RANBP3L: variants seen among roughly 807,000 people sequenced by gnomAD.
RANBP3L encodes the protein ran-binding protein 3-like.
RANBP3L carries 56 observed loss-of-function variants against 67.2 expected under a neutral mutation model. The ratio of observed to expected loss-of-function variants is 0.83; its 90% CI spans 0.67 to 1.04. The LOEUF (loss-of-function observed/expected upper bound fraction) is 1.04. RANBP3L is among the 50% of genes least tolerant of loss of function. The probability of loss-of-function intolerance (pLI) is 0.00; values close to 1 mark genes in which losing one functional copy is unlikely to be tolerated. For synonymous variants in RANBP3L, 164 were observed against 181.4 expected, an observed-to-expected ratio of 0.90 and a Z score of 0.77; for missense variants, 496 against 535.5, an observed-to-expected ratio of 0.93 and a Z score of 0.73.
chr5:36,250,123 C>T lies in RANBP3L; in HGVS notation c.1355-426G>A, dbSNP rs11950102. 4.0e-3 allele frequency among the ~76,000 whole-genome samples: 605 copies of T among 152,002 alleles called. 4 individuals are homozygous for T. The highest frequency in any genetic ancestry group is 0.014 in the African/African-American group (562 of 41,520). On this transcript the variant is annotated intron_variant, in intron 13 of 13. Coordinates refer to ENST00000296604, the MANE Select transcript of RANBP3L (RefSeq NM_145000.5). ...TATAACAGAATATAGATATCATAAA[C>T]ATGTGTCATTAGTTAGTGAGAGAAT...
At chr5:36,268,037 A>G (rs1749933690) in intron 4 of RANBP3L, among the ~76,000 whole-genome samples, 1 of 152,248 alleles carries the variant, frequency 6.6e-6, no homozygotes. Flanking sequence ...TGAAGTTAGA[A>G]TTCATAAGGT....
chr5:36,251,400 T>G lies in RANBP3L; in HGVS notation c.1267A>C (p.Ser423Arg). The change falls in exon 13 of 14, where the codon AGC (serine) becomes CGC (arginine). Residue 423 changes from serine (S) to arginine (R), a missense_variant. Ser to Arg is a moderately radical substitution (Grantham distance 110). Coordinates refer to ENST00000296604, the MANE Select transcript of RANBP3L (RefSeq NM_145000.5). ...AATTGTTGGGCTGTTTCTGACAGGCTTTCAGCTTGATTGACATCTCTCTGC... is the reference window on the plus strand; with the variant it reads ...AATTGTTGGGCTGTTTCTGACAGGCGTTCAGCTTGATTGACATCTCTCTGC... ...NKQRDVNQAE[S>R]LSETAQQLNC... is the part of the protein sequence containing the mutation. The G allele has an allele frequency of 6.2e-7, 1 of 1,613,428 alleles. No homozygotes were observed.
chr5:36,257,588 T>G, intron 8 of RANBP3L, 32 bp from the exon 9 acceptor site: 6 of 1,000,590 alleles, frequency 6.0e-6, no homozygotes, highest in Non-Finnish European at 9.0e-6. Flanking sequence ...TTATTTTATT[T>G]AATAAAAGTT....
In RANBP3L at chr5:36,257,435, C is replaced by A; in HGVS notation, c.772+19G>T. ...CAAACTAGGTGAATCTAATGTTTTA[C>A]AAATGAAAGAATTCTTACTTGAACT... On this transcript the variant is annotated intron_variant, in intron 9 of 13. Coordinates refer to ENST00000296604, the MANE Select transcript of RANBP3L (RefSeq NM_145000.5). The A allele has an allele frequency of 8.1e-7, 1 of 1,231,036 alleles. No individual in the cohort carries two copies. The highest frequency in any genetic ancestry group is 1.2e-6 in the Non-Finnish European group (1 of 845,002). The allele number at this position is 1,231,036 out of a possible 1,614,324, so 76.3% of individuals were successfully genotyped here. A position where few individuals can be genotyped will look rare whatever the true frequency, so the allele number is the denominator to read the frequency against.
chr5:36,249,852 A>C (rs1300370123), intron 13 of RANBP3L, among the ~76,000 whole-genome samples, 155 bp from the exon 14 acceptor site: 2 of 152,012 alleles, frequency 1.3e-5, no homozygotes, highest in Non-Finnish European at 2.9e-5. Flanking sequence ...ACATTTAGAG[A>C]TGTTGCTAAA....
chr5:36,264,132 T>C (rs1276206460), intron 6 of RANBP3L, among the ~76,000 whole-genome samples: 3 of 152,158 alleles, frequency 2.0e-5, no homozygotes, highest in South Asian at 4.2e-4. Flanking sequence ...TAAACAAAGA[T>C]AGCAGCAGAG....
At chr5:36,277,010 G>C (rs1345180718) in intron 1 of RANBP3L, among the ~76,000 whole-genome samples, 1 of 152,172 alleles carries the variant, frequency 6.6e-6, no homozygotes, top group Non-Finnish European at 1.5e-5. Flanking sequence ...CTCTAGCCAG[G>C]GCTAAAAAAG....
At chr5:36,271,352 T>A in intron 1 of RANBP3L, 41 bp from the exon 2 acceptor site, 2 of 1,228,000 alleles carry the variant, frequency 1.6e-6, no homozygotes, top group Non-Finnish European at 2.4e-6. Context: ...CAAAGCATAC[T>A]CTGACATTTC....
intron 1 of RANBP3L, among the ~76,000 whole-genome samples, chr5:36,282,608 G>A (rs1423225): frequency 0.95 from 143,916 of 152,276 alleles, 68,347 homozygotes; most frequent in Non-Finnish European, 0.99. Flanking sequence ...ATTCCTCTTT[G>A]TCTTGAGCCT....
intron 4 of RANBP3L, among the ~76,000 whole-genome samples, 177 bp from the exon 5 acceptor site, chr5:36,265,697 G>A (rs1454235620): frequency 6.6e-6 from 1 of 152,208 alleles, no homozygotes; most frequent in African/African-American, 2.4e-5. Context: ...TGCCAGCCAG[G>A]CGCGGTGGCT....
intron 1 of RANBP3L, among the ~76,000 whole-genome samples, chr5:36,299,703 A>G (rs898880292): frequency 2.0e-5 from 3 of 152,190 alleles, no homozygotes; most frequent in African/African-American, 7.2e-5. Context: ...TAGTTAAAAT[A>G]TTAGAAATAA....
In RANBP3L at chr5:36,248,852, T is replaced by C. The variant is rs933388571; in HGVS notation, c.*802A>G. The C allele has an allele frequency of 6.6e-6, 1 of 152,138 alleles. No individual in the cohort carries two copies. The highest frequency in any genetic ancestry group is 1.5e-5 in the Non-Finnish European group (1 of 67,992). 9.4% of individuals were successfully genotyped at this position (152,138 alleles called of 1,614,324 possible). A position where few individuals can be genotyped will look rare whatever the true frequency, so the allele number is the denominator to read the frequency against. Reference sequence around the variant, plus strand: ...ACTGTAGCCTACTATAATAATATCATTTAAGAAAAAGATTCATTTGGCTAC... The same window carrying C: ...ACTGTAGCCTACTATAATAATATCACTTAAGAAAAAGATTCATTTGGCTAC... On this transcript the variant is annotated 3_prime_UTR_variant, in exon 14 of 14. Coordinates refer to ENST00000296604, the MANE Select transcript of RANBP3L (RefSeq NM_145000.5).
intron 1 of RANBP3L, among the ~76,000 whole-genome samples, chr5:36,291,486 T>TA (rs1470131966): frequency 3.3e-5 from 5 of 152,098 alleles, no homozygotes; most frequent in African/African-American, 1.2e-4. Flanking sequence ...GCCATGCTGG[T>TA]GCGCTGCACC....
At chr5:36,276,647 G>A (rs927118358) in intron 1 of RANBP3L, among the ~76,000 whole-genome samples, 1 of 151,890 alleles carries the variant, frequency 6.6e-6, no homozygotes, top group Non-Finnish European at 1.5e-5. Context: ...GGGTTATAAG[G>A]TGTCCCTACC....
rs1418042262 is a variant in RANBP3L at position 36,249,698 on chromosome 5, C to T, written c.1355-1G>A. The T allele has an allele frequency of 1.3e-6, 2 of 1,526,262 alleles. No homozygotes were observed. Among genetic ancestry groups the T allele is most frequent in the South Asian group, 2.4e-5 (2 of 82,172 alleles). 94.5% of individuals were successfully genotyped at this position (1,526,262 alleles called of 1,614,324 possible). A position where few individuals can be genotyped will look rare whatever the true frequency, so the allele number is the denominator to read the frequency against. The stretch of plus-strand genomic sequence containing the variant: ...TGTCTGTGAGTCCAACTAGAAGGAT[C>T]TGTGATATAAATTTAAAATGTTTTA... On this transcript the variant is annotated splice_acceptor_variant, in intron 13 of 13. Transcript: ENST00000296604. LOFTEE classifies it high-confidence loss of function.
intron 11 of RANBP3L, among the ~76,000 whole-genome samples, chr5:36,254,764 T>A (rs999258343): frequency 6.6e-6 from 1 of 152,106 alleles, no homozygotes; most frequent in Non-Finnish European, 1.5e-5. Context: ...CTCTCAAAAT[T>A]GACCAATAAA....
intron 1 of RANBP3L, among the ~76,000 whole-genome samples, chr5:36,295,951 T>A (rs1171623019): frequency 6.6e-6 from 1 of 152,162 alleles, no homozygotes; most frequent in Non-Finnish European, 1.5e-5. Context: ...TTCAGTCATA[T>A]GGCCAATTAT....
At chr5:36,284,632 A>T (rs1180332094) in intron 1 of RANBP3L, among the ~76,000 whole-genome samples, 1 of 152,316 alleles carries the variant, frequency 6.6e-6, no homozygotes, top group Non-Finnish European at 1.5e-5. Context: ...AGGCTGTATC[A>T]GTCCTGTTCC....
In RANBP3L at chr5:36,247,617, T is replaced by A. The variant is rs1392861916; in HGVS notation, c.*2037A>T. Among the ~76,000 whole-genome samples the A allele has an allele frequency of 3.9e-5, 6 of 152,226 alleles. No individual in the cohort carries two copies. The highest frequency in any genetic ancestry group is 5.9e-5 in the Non-Finnish European group (4 of 68,034). ...GATAAAGATGACCAGGTGTGGTGGC[T>A]CACGCCTGTAATCCCAACACTTTGG... On this transcript the variant is annotated 3_prime_UTR_variant, in exon 14 of 14. Coordinates refer to ENST00000296604, the MANE Select transcript of RANBP3L (RefSeq NM_145000.5).
Sources: gnomAD v4.1 joint callset for allele counts (sites outside exome capture counted in the v4.1 genomes callset) on GRCh38, gnomAD v4.1.1 for gene constraint, MANE v1.5 for transcripts, NCBI Gene and HGNC (gene_info 2026-07-23, HGNC 2026-07-21) for gene names.